The following PAM variants were observed in gnomAD, a reference collection of about 807,000 sequenced individuals.
PAM encodes the protein peptidyl-glycine alpha-amidating monooxygenase.
A neutral mutation model predicts 122.1 loss-of-function variants in PAM; 72 were observed. The observed-to-expected ratio is 0.59, with a 90% CI of 0.49 to 0.72. The LOEUF (loss-of-function observed/expected upper bound fraction) is 0.72. Among genes scored for constraint, PAM ranks in the 30% least tolerant of loss-of-function variants. The pLI, the probability that PAM is intolerant of heterozygous loss-of-function variation, is 0.00. For synonymous variants in PAM, 389 were observed against 404.4 expected, an observed-to-expected ratio of 0.96 and a Z score of 0.46; for missense variants, 1,106 against 1,183.7, an observed-to-expected ratio of 0.93 and a Z score of 0.96.
chr5:102,815,989 A>G (rs1258092471), intron 1 of PAM, among the ~76,000 whole-genome samples: 1 of 152,158 alleles, frequency 6.6e-6, no homozygotes, highest in Non-Finnish European at 1.5e-5. Context: ...CATCTTTTCA[A>G]TAATGTCAAA....
chr5:102,941,833 CAAAAAAA>C (rs70990420), intron 7 of PAM, among the ~76,000 whole-genome samples: 19 of 58,382 alleles, frequency 3.3e-4, no homozygotes, highest in Middle Eastern at 0.014. Context: ...CCAGATGGTA[CAAAAAAA>C]AAAAAAAAAA....
chr5:102,884,747 C>T (rs1792412191), intron 3 of PAM, among the ~76,000 whole-genome samples: 6 of 151,840 alleles, frequency 4.0e-5, no homozygotes, highest in Admixed American at 3.9e-4. Context: ...GCACAGATTG[C>T]TTTTCATAGA....
intron 1 of PAM, among the ~76,000 whole-genome samples, chr5:102,773,234 A>G (rs188062189): frequency 8.5e-4 from 129 of 152,246 alleles, no homozygotes; most frequent in Non-Finnish European, 1.5e-3. Context: ...TACTGGGTCC[A>G]TAAGTATGAA....
intron 1 of PAM, among the ~76,000 whole-genome samples, chr5:102,842,834 T>C (rs557364430): frequency 9.8e-5 from 15 of 152,332 alleles, no homozygotes; most frequent in African/African-American, 3.4e-4. Flanking sequence ...ATTGAATAAT[T>C]TTTATGAGCC....
chr5:102,885,819 G>C (rs1294389410), intron 3 of PAM, among the ~76,000 whole-genome samples: 1 of 151,920 alleles, frequency 6.6e-6, no homozygotes. Context: ...TGAGTGTAAG[G>C]GAACTTCTAG....
At chr5:102,982,661 A>G (rs979997083) in intron 15 of PAM, among the ~76,000 whole-genome samples, 13 of 152,230 alleles carry the variant, frequency 8.5e-5, no homozygotes, top group Admixed American at 7.8e-4. Flanking sequence ...TACTGTGTCC[A>G]CTTAGAAGTA....
intron 6 of PAM, among the ~76,000 whole-genome samples, chr5:102,925,549 G>T (rs771648673): frequency 1.3e-5 from 2 of 152,148 alleles, no homozygotes; most frequent in African/African-American, 2.4e-5. Context: ...GTGTGTGTGG[G>T]TCTGTTACAG....
intron 5 of PAM, among the ~76,000 whole-genome samples, chr5:102,922,405 G>C (rs769699929): frequency 6.6e-6 from 1 of 152,116 alleles, no homozygotes; most frequent in Admixed American, 6.5e-5. Flanking sequence ...CAGGCAAAGA[G>C]AGCAATGGAA....
chr5:102,792,208 G>A (rs774815301), intron 1 of PAM, among the ~76,000 whole-genome samples: 9 of 152,292 alleles, frequency 5.9e-5, no homozygotes, highest in Non-Finnish European at 1.3e-4. Context: ...ACATTAATGT[G>A]TGTGTATATG....
intron 7 of PAM, among the ~76,000 whole-genome samples, chr5:102,935,347 T>G (rs1393439603): frequency 1.3e-5 from 2 of 152,158 alleles, no homozygotes; most frequent in Non-Finnish European, 2.9e-5. Flanking sequence ...CACTTAACAG[T>G]GTACCCTGGA....
At chr5:102,964,542 A>T (rs1483967021) in intron 14 of PAM, among the ~76,000 whole-genome samples, 1 of 151,936 alleles carries the variant, frequency 6.6e-6, no homozygotes, top group Non-Finnish European at 1.5e-5. Context: ...ATGAGGCTTT[A>T]ATTGAGTCTG....
At position 102,980,472 on chromosome 5, in the gene PAM, GCTGAAGTTCCTTTC is replaced by G. The variant is rs368128357; in HGVS notation, c.1483+6040_1483+6053del. On this transcript the variant is annotated intron_variant, in intron 15 of 25. Coordinates refer to ENST00000438793, the MANE Select transcript of PAM (RefSeq NM_001177306.2). ...ATTGAGGCCTAAAGTCTGGCTCAAG[GCTGAAGTTCCTTTC>G]CTGTCAAATGAAGACAGTTATGTGG... is the stretch of plus-strand genomic sequence containing the variant. Among the ~76,000 whole-genome samples the G allele has an allele frequency of 2.6e-4, 40 of 152,236 alleles. No homozygotes were observed. The Middle Eastern group carries it at 0.01, about 39-fold the overall frequency.
At chr5:102,884,542 C>A (rs779626093) in intron 3 of PAM, among the ~76,000 whole-genome samples, 14 of 151,906 alleles carry the variant, frequency 9.2e-5, no homozygotes, top group Non-Finnish European at 1.5e-4. Context: ...CCATGCATAT[C>A]TTTTCCACAT....
chr5:102,814,942 C>T (rs1346265057), intron 1 of PAM, among the ~76,000 whole-genome samples: 3 of 151,864 alleles, frequency 2.0e-5, no homozygotes, highest in Non-Finnish European at 4.4e-5. Context: ...ATGTGTGCAG[C>T]ACACATGCAC....
chr5:102,928,830 C>T (rs994612027), intron 7 of PAM, among the ~76,000 whole-genome samples: 4 of 152,002 alleles, frequency 2.6e-5, no homozygotes, highest in Non-Finnish European at 4.4e-5. Context: ...AAGTCTTGTT[C>T]TAGGCTTTTG....
At chr5:102,972,647 C>T (rs948485592) in intron 14 of PAM, among the ~76,000 whole-genome samples, 7 of 152,152 alleles carry the variant, frequency 4.6e-5, no homozygotes, top group Non-Finnish European at 7.4e-5. Context: ...CTAAATAAGA[C>T]GTTTCATTGT....
At position 102,866,147 on chromosome 5, in the gene PAM, C is replaced by T. The variant is rs374916122; in HGVS notation, c.-49C>T. On this transcript the variant is annotated 5_prime_UTR_variant, in exon 2 of 26. Coordinates refer to ENST00000438793, the MANE Select transcript of PAM (RefSeq NM_001177306.2). ...GCTGCCCAACCGCCAGCCCCAGCCC[C>T]GCGCTGCGCTGCCCGGTCCTCTCCC... The T allele has an allele frequency of 2.2e-6, 3 of 1,360,664 alleles. No homozygotes were observed. Among genetic ancestry groups the T allele is most frequent in the African/African-American group, 1.4e-5 (1 of 69,602 alleles). 84.3% of individuals were successfully genotyped at this position (1,360,664 alleles called of 1,614,324 possible).
intron 1 of PAM, among the ~76,000 whole-genome samples, chr5:102,762,677 G>GT (rs1168499402): frequency 1.3e-5 from 2 of 152,054 alleles, no homozygotes; most frequent in African/African-American, 4.8e-5. Context: ...AACAATGAGG[G>GT]TTAAAAAAAA....
At chr5:102,908,976 T>C (rs1800547014) in intron 4 of PAM, among the ~76,000 whole-genome samples, 1 of 151,866 alleles carries the variant, frequency 6.6e-6, no homozygotes, top group South Asian at 2.1e-4. Context: ...GATCCTAAAC[T>C]TAAATTGCAA....
Sources: gnomAD v4.1 joint callset for allele counts (sites outside exome capture counted in the v4.1 genomes callset) on GRCh38, gnomAD v4.1.1 for gene constraint, MANE v1.5 for transcripts, NCBI Gene and HGNC (gene_info 2026-07-23, HGNC 2026-07-21) for gene names.